The following ST7 variants were observed in gnomAD, a reference collection of about 807,000 sequenced individuals.
The protein encoded by ST7 is suppression of tumorigenicity 7, also known as suppressor of tumorigenicity 7 protein.
Under a neutral mutation model 78.7 loss-of-function variants are expected in ST7, and 28 were observed. The observed-to-expected ratio is 0.36, with a 90% confidence interval of 0.26 to 0.49. The LOEUF (loss-of-function observed/expected upper bound fraction) is 0.49, where lower values mean the gene tolerates loss of function less well. ST7 is among the 20% of genes least tolerant of loss of function. The pLI is 0.99. For synonymous variants in ST7, 247 were observed against 249.6 expected (o/e 0.99, Z 0.10); for missense variants, 418 against 696.0 (o/e 0.60, Z 4.49).
At chr7:117,024,723 A>G (rs572156019) in intron 1 of ST7, among the ~76,000 whole-genome samples, 7 of 152,318 alleles carry the variant, frequency 4.6e-5, no homozygotes, top group African/African-American at 1.7e-4. Flanking sequence ...ATGAGAAACT[A>G]GTGGATGGCT....
At chr7:117,147,042 A>G (rs1183930400) in intron 9 of ST7, among the ~76,000 whole-genome samples, 1 of 152,188 alleles carries the variant, frequency 6.6e-6, no homozygotes, top group Non-Finnish European at 1.5e-5. Context: ...TGCAGAATAC[A>G]GAATGTAGTG....
intron 13 of ST7, among the ~76,000 whole-genome samples, chr7:117,211,011 T>C (rs1792242980): frequency 6.6e-6 from 1 of 152,158 alleles, no homozygotes; most frequent in Admixed American, 6.5e-5. Context: ...TCCATTTTCA[T>C]TTTGATAATC....
At position 117,219,447 on chromosome 7, in the gene ST7, G is replaced by C. The variant is rs1157047742; in HGVS notation, c.1498+271G>C. On this transcript the variant is annotated intron_variant, in intron 14 of 15. Transcript: ENST00000323984. This position sits in a 1 kb window ranked among gnomAD's most constrained non-coding sequence, Gnocchi z 5.1. ...CTATGTACTGATTGGCCTGAGCACA[G>C]AGACCCCTGGTTTGGGCTGGTGTCT... Among the ~76,000 whole-genome samples the C allele has an allele frequency of 1.3e-5, 2 of 152,224 alleles. No homozygotes were observed. Among genetic ancestry groups the C allele is most frequent in the African/African-American group, 2.4e-5 (1 of 41,466 alleles).
intron 1 of ST7, among the ~76,000 whole-genome samples, chr7:117,097,910 T>A (rs6945056): frequency 0.028 from 380 of 13,602 alleles, no homozygotes; most frequent in East Asian, 0.053. Flanking sequence ...ATATATATAT[T>A]TTTTTTTTTT....
chr7:117,154,666 G>T (rs1178843056), intron 9 of ST7, among the ~76,000 whole-genome samples: 1 of 152,222 alleles, frequency 6.6e-6, no homozygotes, highest in Non-Finnish European at 1.5e-5. Flanking sequence ...AATCCTGGAG[G>T]TTTACTGGGT....
At chr7:117,015,728 A>G (rs1321680202) in intron 1 of ST7, among the ~76,000 whole-genome samples, 1 of 152,164 alleles carries the variant, frequency 6.6e-6, no homozygotes, top group African/African-American at 2.4e-5. Context: ...TCAGGTAGGG[A>G]CATGAGTCTT....
intron 1 of ST7, among the ~76,000 whole-genome samples, chr7:117,097,741 T>C (rs1173552034): frequency 6.7e-6 from 1 of 149,608 alleles, no homozygotes; most frequent in Admixed American, 6.7e-5. Flanking sequence ...TAGGGGTGTT[T>C]TGTGCACATT....
chr7:117,175,000 T>C (rs867410313), intron 10 of ST7, among the ~76,000 whole-genome samples: 6 of 152,242 alleles, frequency 3.9e-5, no homozygotes, highest in Middle Eastern at 3.2e-3. Context: ...GAAGCCATGG[T>C]GCAGAATTTC....
At chr7:117,210,085 G>A (rs1792159370) in intron 13 of ST7, 148 bp downstream of exon 13, 2 of 929,162 alleles carry the variant, frequency 2.2e-6, no homozygotes, top group Non-Finnish European at 3.1e-6. Flanking sequence ...AGTGACTTAG[G>A]TTCTCCCATC....
chr7:117,092,549 C>T (rs1450641278), intron 1 of ST7, among the ~76,000 whole-genome samples: 1 of 152,104 alleles, frequency 6.6e-6, no homozygotes, highest in Admixed American at 6.5e-5. Context: ...AGTAAAGTTG[C>T]AGCCTTACTT....
At chr7:117,222,762 G>A in intron 15 of ST7, 1 of 914,406 alleles carries the variant, frequency 1.1e-6, no homozygotes, top group Non-Finnish European at 1.8e-6. Context: ...AAGGAAAACA[G>A]TATCAATTGT....
At chr7:117,100,279 C>G (rs1284064934) in intron 2 of ST7, among the ~76,000 whole-genome samples, 1 of 152,082 alleles carries the variant, frequency 6.6e-6, no homozygotes, top group East Asian at 1.9e-4. Context: ...TGAGACCAGC[C>G]TGGCCAGCAT....
intron 1 of ST7, among the ~76,000 whole-genome samples, chr7:117,017,330 A>G (rs796822853): frequency 6.6e-6 from 1 of 152,162 alleles, no homozygotes; most frequent in South Asian, 2.1e-4. Flanking sequence ...GTAGAACAGT[A>G]AGCTCCCAGA....
chr7:117,188,991 G>T (rs113305617), intron 10 of ST7, among the ~76,000 whole-genome samples: 1 of 152,022 alleles, frequency 6.6e-6, no homozygotes, highest in Non-Finnish European at 1.5e-5. Flanking sequence ...TCACATCAAG[G>T]ATATTCATGT....
intron 9 of ST7, among the ~76,000 whole-genome samples, chr7:117,146,902 A>G (rs1403223059): frequency 6.6e-6 from 1 of 152,176 alleles, no homozygotes; most frequent in African/African-American, 2.4e-5. Flanking sequence ...TTTGTGGACT[A>G]TGACAAATGT....
chr7:117,026,980 C>G (rs1252429631), intron 1 of ST7, among the ~76,000 whole-genome samples: 1 of 152,190 alleles, frequency 6.6e-6, no homozygotes, highest in Admixed American at 6.5e-5. Flanking sequence ...ATGCCAGATG[C>G]CCTGTGGCAA....
At chr7:117,000,480 T>C (rs1794887714) in intron 1 of ST7, among the ~76,000 whole-genome samples, 1 of 152,210 alleles carries the variant, frequency 6.6e-6, no homozygotes, top group Non-Finnish European at 1.5e-5. Context: ...TTAATACCTT[T>C]ATGAGGGGAG....
intron 12 of ST7, among the ~76,000 whole-genome samples, chr7:117,194,757 C>T (rs929570068): frequency 2.0e-5 from 3 of 152,172 alleles, no homozygotes; most frequent in African/African-American, 7.2e-5. Context: ...CTTCTTTCTG[C>T]AGATATGCTG....
rs555633341 is a variant in ST7 at position 116,963,517 on chromosome 7, A to G, written c.151+9826A>G. On this transcript the variant is annotated intron_variant, in intron 1 of 15. Coordinates refer to ENST00000323984, the MANE Select transcript of ST7 (RefSeq NM_001369598.1). The stretch of plus-strand genomic sequence containing the variant: ...TTTAATTGCAGTTACCAAATCTCTC[A>G]GCAAAGTAAGGCAACATTTATCTGA... 4.6e-5 allele frequency among the ~76,000 whole-genome samples: 7 copies of G among 152,332 alleles called. No homozygotes were observed. The Middle Eastern group carries it at 0.014, about 296-fold the overall frequency.
Sources: allele counts gnomAD v4.1 joint callset (sites outside exome capture counted in the v4.1 genomes callset), GRCh38; gene constraint gnomAD v4.1.1; non-coding constraint Gnocchi (gnomAD v3.1); transcripts MANE v1.5; gene names NCBI Gene and HGNC (gene_info 2026-07-23, HGNC 2026-07-21).